The following TENM3 variants were observed in gnomAD, a reference collection of about 807,000 sequenced individuals.
TENM3 encodes the protein teneurin-3.
In TENM3, 63 loss-of-function variants were observed where a neutral mutation model predicts 255.1. The observed-to-expected ratio is 0.25, with a 90% CI of 0.20 to 0.30. The LOEUF (loss-of-function observed/expected upper bound fraction) is 0.30. TENM3 is among the 10% of genes least tolerant of loss of function. TENM3 has a pLI of 1.00. For synonymous variants in TENM3, 1,306 were observed against 1,322.3 expected (o/e 0.99, Z 0.27); for missense variants, 2,929 against 3,461.1 (o/e 0.85, Z 3.86).
At chr4:181,764,174 G>GA in the TENM3 span, among the ~76,000 whole-genome samples, 18 of 152,058 alleles carry the variant, frequency 1.2e-4, no homozygotes, top group Non-Finnish European at 2.2e-4. Flanking sequence ...TTTAACAAAA[G>GA]AAAAAACTTC....
At chr4:182,033,018 GT>G in the TENM3 span, among the ~76,000 whole-genome samples, 6 of 148,656 alleles carry the variant, frequency 4.0e-5, no homozygotes, top group East Asian at 2.0e-4. Flanking sequence ...ATTTTTGAAG[GT>G]TTTTTTTTGC....
chr4:182,667,464 C>T (rs1395975469), intron 6 of TENM3, among the ~76,000 whole-genome samples: 1 of 152,178 alleles, frequency 6.6e-6, no homozygotes, highest in East Asian at 1.9e-4. Context: ...GCTGGGATTA[C>T]AGGTGTGAGC....
At chr4:182,791,229 A>G (rs949759522) in intron 25 of TENM3, among the ~76,000 whole-genome samples, 1 of 152,240 alleles carries the variant, frequency 6.6e-6, no homozygotes, top group East Asian at 1.9e-4. Context: ...GGGTCTGCCC[A>G]AAGAGGAGAT....
At chr4:182,795,820 A>AT (rs1766460975) in intron 26 of TENM3, among the ~76,000 whole-genome samples, 1 of 152,222 alleles carries the variant, frequency 6.6e-6, no homozygotes, top group Non-Finnish European at 1.5e-5. Context: ...GTGAAATGCA[A>AT]TTTCAAATTT....
intron 3 of TENM3, among the ~76,000 whole-genome samples, chr4:182,536,643 A>T (rs1439058168): frequency 6.6e-6 from 1 of 152,144 alleles, no homozygotes; most frequent in African/African-American, 2.4e-5. Context: ...CCAGCCTCCT[A>T]TGTTTTCCTG....
chr4:182,524,013 C>T (rs1738862760), intron 3 of TENM3, among the ~76,000 whole-genome samples: 1 of 152,128 alleles, frequency 6.6e-6, no homozygotes, highest in African/African-American at 2.4e-5. Flanking sequence ...AAAAAAAGAG[C>T]TAGAAATCTG....
the TENM3 span, among the ~76,000 whole-genome samples, chr4:181,910,664 G>A: frequency 6.7e-6 from 1 of 150,274 alleles, no homozygotes; most frequent in South Asian, 2.1e-4. Context: ...GTATTTTAGA[G>A]AGGAGTCTCA....
the TENM3 span, among the ~76,000 whole-genome samples, chr4:181,693,375 C>T: frequency 1.7e-4 from 26 of 152,260 alleles, no homozygotes. Flanking sequence ...TAATCAGATC[C>T]ATCACCCATA....
At chr4:182,302,618 A>G (rs1014264468) in intron 1 of TENM3, among the ~76,000 whole-genome samples, 1 of 152,208 alleles carries the variant, frequency 6.6e-6, no homozygotes, top group Non-Finnish European at 1.5e-5. Context: ...CAGAAGATAT[A>G]AAACTTGAAG....
the TENM3 span, among the ~76,000 whole-genome samples, chr4:181,776,114 A>G: frequency 1.3e-5 from 2 of 152,002 alleles, no homozygotes; most frequent in Admixed American, 6.6e-5. Flanking sequence ...CTATCATTCA[A>G]CTTTCTGCTT....
chr4:182,560,962 C>T (rs908145862), intron 3 of TENM3, among the ~76,000 whole-genome samples: 11 of 152,086 alleles, frequency 7.2e-5, no homozygotes, highest in African/African-American at 2.7e-4. Context: ...GGATAGAGTA[C>T]ATCCATTCCT....
At chr4:182,051,257 C>T in the TENM3 span, among the ~76,000 whole-genome samples, 1 of 151,542 alleles carries the variant, frequency 6.6e-6, no homozygotes, top group South Asian at 2.1e-4. Context: ...GCAGGAGAAT[C>T]GCTTGAAACT....
At chr4:181,793,266 T>C in the TENM3 span, among the ~76,000 whole-genome samples, 1 of 152,192 alleles carries the variant, frequency 6.6e-6, no homozygotes, top group Non-Finnish European at 1.5e-5. Context: ...TGCCTTTTCT[T>C]TCTTCTAAGG....
At chr4:181,659,615 T>G in the TENM3 span, among the ~76,000 whole-genome samples, 3 of 152,214 alleles carry the variant, frequency 2.0e-5, no homozygotes, top group Non-Finnish European at 4.4e-5. Flanking sequence ...AGGTAAATCT[T>G]CTAACAGCAG....
chr4:182,616,688 A>G (rs59543308), intron 4 of TENM3, among the ~76,000 whole-genome samples: 1,778 of 151,830 alleles, frequency 0.012, 38 homozygotes, highest in African/African-American at 0.041. Flanking sequence ...GCAGTCTTTC[A>G]GTTCAGGAAT....
At chr4:182,273,896 G>C (rs910880369) in intron 1 of TENM3, among the ~76,000 whole-genome samples, 1 of 152,200 alleles carries the variant, frequency 6.6e-6, no homozygotes, top group Admixed American at 6.5e-5. Flanking sequence ...AAAGATTAAA[G>C]CATGGAAATA....
chr4:181,527,557 C>T, the TENM3 span, among the ~76,000 whole-genome samples: 11 of 151,542 alleles, frequency 7.3e-5, no homozygotes, highest in Non-Finnish European at 1.2e-4. Flanking sequence ...TTAGTAGAAA[C>T]GGGGTTTGGC....
At chr4:182,714,315 CAAAAAAAAAA>C (rs374337174) in intron 13 of TENM3, 82 bp downstream of exon 13, 13 of 140,944 alleles carry the variant, frequency 9.2e-5, no homozygotes, top group African/African-American at 3.6e-4. Context: ...TATCTGTTGC[CAAAAAAAAAA>C]AAAAAAAAAA....
chr4:182,197,520 A>G (rs1753903103), intron 1 of TENM3, among the ~76,000 whole-genome samples: 1 of 152,132 alleles, frequency 6.6e-6, no homozygotes, highest in Non-Finnish European at 1.5e-5. Flanking sequence ...CTTAATAAAT[A>G]CTCAAAAAAT....
Sources: gnomAD v4.1 joint callset for allele counts (sites outside exome capture counted in the v4.1 genomes callset) on GRCh38, gnomAD v4.1.1 for gene constraint, MANE v1.5 for transcripts, NCBI Gene and HGNC (gene_info 2026-07-23, HGNC 2026-07-21) for gene names.